The following LRRTM4 variants were observed in gnomAD, a reference collection of about 807,000 sequenced individuals.
The protein encoded by LRRTM4 is leucine-rich repeat transmembrane neuronal protein 4.
In LRRTM4, 25 loss-of-function variants were observed where a neutral mutation model predicts 47.6. That is an observed-to-expected ratio of 0.53 (90% CI 0.38 to 0.73). LRRTM4 has a LOEUF of 0.73. Among genes scored for constraint, LRRTM4 ranks in the 30% least tolerant of loss-of-function variants. The pLI, the probability that LRRTM4 is intolerant of heterozygous loss-of-function variation, is 0.00. For synonymous variants in LRRTM4, 311 were observed against 269.5 expected (o/e 1.15, Z -1.51); for missense variants, 638 against 713.4 (o/e 0.89, Z 1.20).
At chr2:77,141,121 G>A (rs528427385) in intron 3 of LRRTM4, among the ~76,000 whole-genome samples, 4 of 152,154 alleles carry the variant, frequency 2.6e-5, no homozygotes, top group East Asian at 1.9e-4. Flanking sequence ...CCCATTACTG[G>A]GTATATACCC....
At chr2:76,760,232 C>G (rs531500452) in intron 3 of LRRTM4, among the ~76,000 whole-genome samples, 1 of 152,260 alleles carries the variant, frequency 6.6e-6, no homozygotes, top group East Asian at 1.9e-4. Context: ...CGTTTTCAGT[C>G]TACAAATATT....
intron 3 of LRRTM4, among the ~76,000 whole-genome samples, chr2:77,298,400 C>A (rs1297100264): frequency 6.6e-6 from 1 of 152,098 alleles, no homozygotes; most frequent in Non-Finnish European, 1.5e-5. Context: ...CCACGCCCGG[C>A]TAATTTTTTG....
intron 3 of LRRTM4, among the ~76,000 whole-genome samples, chr2:77,222,360 G>A (rs1389366295): frequency 6.6e-6 from 1 of 152,160 alleles, no homozygotes; most frequent in Non-Finnish European, 1.5e-5. Context: ...TAAGGTCAGA[G>A]CAGAACTGAA....
At chr2:76,933,095 T>A (rs1001168374) in intron 3 of LRRTM4, among the ~76,000 whole-genome samples, 2 of 152,226 alleles carry the variant, frequency 1.3e-5, no homozygotes, top group East Asian at 3.9e-4. Context: ...ATAGATAATA[T>A]TGAACACAAC....
intron 3 of LRRTM4, among the ~76,000 whole-genome samples, chr2:76,901,698 AC>A (rs1673640061): frequency 1.3e-5 from 2 of 152,122 alleles, no homozygotes; most frequent in Admixed American, 6.6e-5. Context: ...AGACCAGAAA[AC>A]AACTCCTTTG....
chr2:77,517,372 A>G (rs1267345256), intron 3 of LRRTM4: 1 of 981,934 alleles, frequency 1.0e-6, no homozygotes, highest in African/African-American at 1.7e-5. Flanking sequence ...AAATATTTGT[A>G]TCACTTATTT....
chr2:77,359,015 T>G (rs563327293), intron 3 of LRRTM4, among the ~76,000 whole-genome samples: 1 of 152,310 alleles, frequency 6.6e-6, no homozygotes, highest in African/African-American at 2.4e-5. Context: ...TATTAATCCT[T>G]TATTTTCATC....
intron 3 of LRRTM4, among the ~76,000 whole-genome samples, chr2:77,217,315 C>A (rs1674477981): frequency 6.9e-6 from 1 of 144,502 alleles, no homozygotes; most frequent in East Asian, 2.0e-4. Flanking sequence ...TTAATAATAC[C>A]TACTTGGCTT....
chr2:77,262,507 T>G (rs74260787), intron 3 of LRRTM4, among the ~76,000 whole-genome samples: 5,223 of 142,454 alleles, frequency 0.037, 163 homozygotes, highest in African/African-American at 0.099. Context: ...TTTACCTAAT[T>G]TTTTTTTTCT....
At chr2:77,074,361 G>C (rs1011352818) in intron 3 of LRRTM4, among the ~76,000 whole-genome samples, 9 of 152,050 alleles carry the variant, frequency 5.9e-5, no homozygotes, top group Admixed American at 5.9e-4. Flanking sequence ...GCTTGGAAGT[G>C]AATTATTGTC....
At chr2:77,290,981 A>T (rs1676808040) in intron 3 of LRRTM4, among the ~76,000 whole-genome samples, 1 of 152,074 alleles carries the variant, frequency 6.6e-6, no homozygotes, top group African/African-American at 2.4e-5. Context: ...AGAGGAGGAC[A>T]TTACTGCTGG....
At chr2:77,155,863 T>C (rs1049967421) in intron 3 of LRRTM4, among the ~76,000 whole-genome samples, 5 of 152,182 alleles carry the variant, frequency 3.3e-5, no homozygotes, top group African/African-American at 1.2e-4. Flanking sequence ...AAAATATCTA[T>C]CACATAACAG....
intron 3 of LRRTM4, among the ~76,000 whole-genome samples, chr2:77,094,875 C>T (rs1433923518): frequency 6.6e-6 from 1 of 152,050 alleles, no homozygotes; most frequent in Admixed American, 6.6e-5. Context: ...GTCTGGACAA[C>T]AATTATTTAA....
chr2:77,075,914 C>CAAAA (rs61718845), intron 3 of LRRTM4, among the ~76,000 whole-genome samples: 1,108 of 36,802 alleles, frequency 0.03, 156 homozygotes, highest in African/African-American at 0.055. Flanking sequence ...GACTCCGTCT[C>CAAAA]AAAAAAAAAA....
intron 3 of LRRTM4, among the ~76,000 whole-genome samples, chr2:77,424,853 CA>C (rs1675045407): frequency 6.6e-6 from 1 of 152,124 alleles, no homozygotes; most frequent in Non-Finnish European, 1.5e-5. Flanking sequence ...TTATAGATGA[CA>C]AAGGCAAGTG....
At chr2:77,350,787 T>A (rs1277913729) in intron 3 of LRRTM4, among the ~76,000 whole-genome samples, 2 of 151,552 alleles carry the variant, frequency 1.3e-5, no homozygotes, top group African/African-American at 2.4e-5. Context: ...TCTAAAATAT[T>A]CAGAAACCAT....
Position 77,518,641 on chromosome 2 carries a change from T to C in LRRTM4, c.1228A>G (p.Ile410Val). Reference sequence around the variant, plus strand: ...TCATACTCTTGCTCTGCGCCAGGAATCTGAAACCCTGGGGAAGGGCTTGGT... The same window carrying C: ...TCATACTCTTGCTCTGCGCCAGGAACCTGAAACCCTGGGGAAGGGCTTGGT... ...ETPSPSPGFQ[I>V]PGAEQEYEHV... Residue 410 changes from isoleucine to valine, a missense_variant, in exon 3 of 4, where the codon ATT becomes GTT. By Grantham distance (29) the Ile-to-Val change is conservative (BLOSUM62 3). Transcript: ENST00000409884. 6.2e-7 allele frequency: 1 copy of C among 1,613,398 alleles called. No homozygotes were observed.
intron 3 of LRRTM4, among the ~76,000 whole-genome samples, chr2:76,780,114 T>C (rs1167013671): frequency 6.6e-6 from 1 of 152,348 alleles, no homozygotes; most frequent in Admixed American, 6.5e-5. Context: ...GCTTGCAGGG[T>C]TTCTGCCGAG....
At chr2:76,908,301 G>A (rs1673922644) in intron 3 of LRRTM4, among the ~76,000 whole-genome samples, 1 of 152,084 alleles carries the variant, frequency 6.6e-6, no homozygotes, top group African/African-American at 2.4e-5. Context: ...CAACCTTCAT[G>A]CTAAAAACTC....
Sources: gnomAD v4.1 joint callset for allele counts (sites outside exome capture counted in the v4.1 genomes callset) on GRCh38, gnomAD v4.1.1 for gene constraint, MANE v1.5 for transcripts, NCBI Gene and HGNC (gene_info 2026-07-23, HGNC 2026-07-21) for gene names.